The following HFM1 variants were observed in gnomAD, a reference collection of about 807,000 sequenced individuals.
The protein encoded by HFM1 is probable ATP-dependent DNA helicase HFM1.
HFM1 carries 169 observed loss-of-function variants against 192.1 expected under a neutral mutation model. The observed-to-expected ratio is 0.88, with a 90% CI of 0.78 to 1.00. The LOEUF is 1.00. HFM1 is among the 50% of genes least tolerant of loss of function. HFM1 has a pLI of 0.00. For missense variants in HFM1, 1,661 were observed against 1,668.0 expected, an observed-to-expected ratio of 1.00 and a Z score of 0.07; for synonymous variants, 525 against 537.8, an observed-to-expected ratio of 0.98 and a Z score of 0.33.
chr1:91,360,531 C>T (rs540301861), intron 13 of HFM1, among the ~76,000 whole-genome samples: 5 of 152,136 alleles, frequency 3.3e-5, no homozygotes, highest in Admixed American at 6.5e-5. Context: ...TACAGGAGCA[C>T]CCAGATTCAT....
chr1:91,334,444 GA>G (rs1654286808), intron 20 of HFM1, among the ~76,000 whole-genome samples: 1 of 152,110 alleles, frequency 6.6e-6, no homozygotes, highest in South Asian at 2.1e-4. Context: ...GCCCTCAAAT[GA>G]TATTAAAAGA....
intron 19 of HFM1, among the ~76,000 whole-genome samples, chr1:91,344,662 C>T (rs185807): frequency 1 from 151,788 of 151,972 alleles, 75,802 homozygotes; most frequent in East Asian, 1. Context: ...TATAGAATGA[C>T]TGTGTAATTT....
intron 13 of HFM1, among the ~76,000 whole-genome samples, chr1:91,357,724 A>T (rs1005957564): frequency 2.0e-5 from 3 of 152,220 alleles, no homozygotes. Flanking sequence ...TCATTAAAAA[A>T]CTGTTAGAAC....
At chr1:91,273,544 C>A (rs1355938652) in intron 34 of HFM1, among the ~76,000 whole-genome samples, 168 bp downstream of exon 34, 1 of 151,908 alleles carries the variant, frequency 6.6e-6, no homozygotes, top group East Asian at 1.9e-4. Flanking sequence ...AAGACCATCT[C>A]AATAACAGAC....
intron 34 of HFM1, 53 bp from the exon 35 acceptor site, chr1:91,267,908 T>C: frequency 1.1e-6 from 1 of 945,492 alleles, no homozygotes; most frequent in South Asian, 1.5e-5. Flanking sequence ...GGTTTCCAGA[T>C]ATATTAAGAT....
intron 18 of HFM1, among the ~76,000 whole-genome samples, chr1:91,350,355 T>C (rs1656763678): frequency 6.6e-6 from 1 of 152,144 alleles, no homozygotes; most frequent in Non-Finnish European, 1.5e-5. Context: ...CTTTCATTTC[T>C]TATAAACTGA....
intron 23 of HFM1, among the ~76,000 whole-genome samples, chr1:91,322,521 T>C (rs182981964): frequency 5.9e-5 from 9 of 152,296 alleles, no homozygotes; most frequent in Admixed American, 1.3e-4. Flanking sequence ...CTCCCCATTT[T>C]TGGCAGAACA....
At chr1:91,334,260 G>A (rs946240355) in intron 20 of HFM1, among the ~76,000 whole-genome samples, 2 of 152,096 alleles carry the variant, frequency 1.3e-5, no homozygotes, top group African/African-American at 2.4e-5. Flanking sequence ...TACGTGACCA[G>A]TTTCTTAATG....
intron 30 of HFM1, among the ~76,000 whole-genome samples, chr1:91,286,227 G>A (rs984813019): frequency 8.5e-5 from 13 of 152,158 alleles, no homozygotes; most frequent in African/African-American, 2.7e-4. Flanking sequence ...TAACAGCACA[G>A]ATTAGTATAT....
At chr1:91,375,796 A>C in intron 11 of HFM1, 69 bp from the exon 12 acceptor site, 3 of 1,251,600 alleles carry the variant, frequency 2.4e-6, no homozygotes, top group Non-Finnish European at 2.3e-6. Context: ...AAACAACCCA[A>C]TTACAAAGCA....
intron 4 of HFM1, among the ~76,000 whole-genome samples, chr1:91,387,631 T>C (rs1004498120): frequency 6.1e-5 from 9 of 148,616 alleles, no homozygotes; most frequent in Non-Finnish European, 7.5e-5. Context: ...ATGGATGAAA[T>C]TGGAAACCAT....
At chr1:91,300,667 G>C (rs1648597468) in intron 30 of HFM1, among the ~76,000 whole-genome samples, 1 of 152,238 alleles carries the variant, frequency 6.6e-6, no homozygotes, top group South Asian at 2.1e-4. Flanking sequence ...CATATAAACA[G>C]AATCAACAAC....
At chr1:91,290,655 C>T (rs1032423739) in intron 30 of HFM1, among the ~76,000 whole-genome samples, 1 of 152,088 alleles carries the variant, frequency 6.6e-6, no homozygotes, top group East Asian at 1.9e-4. Flanking sequence ...GACAGAAAGT[C>T]AACAAGGATA....
rs114658122 is a variant in HFM1 at position 91,332,025 on chromosome 1, T to C, written c.2336-7259A>G. Among the ~76,000 whole-genome samples the C allele has an allele frequency of 7.4e-3, 1,118 of 152,054 alleles. 17 individuals carry two copies. The highest frequency in any genetic ancestry group is 0.025 in the African/African-American group (1,055 of 41,466). ...AATCAATATTATTAAAATTTCCATA[T>C]TACCCAAAGTAATCTAGAGATTCAG... On this transcript the variant is annotated intron_variant, in intron 20 of 38. Coordinates refer to ENST00000370425, the MANE Select transcript of HFM1 (RefSeq NM_001017975.6).
chr1:91,337,695 G>A (rs998117150), intron 20 of HFM1, among the ~76,000 whole-genome samples: 1 of 152,144 alleles, frequency 6.6e-6, no homozygotes, highest in Non-Finnish European at 1.5e-5. Context: ...GAGATCCATA[G>A]GGAGAACTCT....
At chr1:91,340,747 G>T (rs1461099853) in intron 20 of HFM1, among the ~76,000 whole-genome samples, 1 of 152,064 alleles carries the variant, frequency 6.6e-6, no homozygotes, top group Non-Finnish European at 1.5e-5. Flanking sequence ...AAGGGATGGA[G>T]AAAAATCTAC....
At chr1:91,352,884 T>C (rs1374170839) in intron 15 of HFM1, among the ~76,000 whole-genome samples, 167 bp downstream of exon 15, 1 of 151,886 alleles carries the variant, frequency 6.6e-6, no homozygotes, top group Non-Finnish European at 1.5e-5. Context: ...AACTAAACAC[T>C]ACCAAAGAAT....
chr1:91,360,814 A>C (rs2101823866), intron 13 of HFM1, among the ~76,000 whole-genome samples: 1 of 152,308 alleles, frequency 6.6e-6, no homozygotes, highest in South Asian at 2.1e-4. Context: ...TTCTCAGCAA[A>C]TGTAAAAGAA....
chr1:91,388,279 G>A (rs981215116), intron 4 of HFM1, among the ~76,000 whole-genome samples: 1 of 152,184 alleles, frequency 6.6e-6, no homozygotes, highest in Admixed American at 6.5e-5. Flanking sequence ...TGGGTAGCCT[G>A]GGAATCTCAT....
Sources: gnomAD v4.1 joint callset for allele counts (sites outside exome capture counted in the v4.1 genomes callset) on GRCh38, gnomAD v4.1.1 for gene constraint, MANE v1.5 for transcripts, NCBI Gene and HGNC (gene_info 2026-07-23, HGNC 2026-07-21) for gene names.